The following RGS7BP variants were observed in gnomAD, a reference collection of about 807,000 sequenced individuals.
RGS7BP encodes the protein regulator of G protein signaling 7-binding protein.
Under a neutral mutation model 31.3 loss-of-function variants are expected in RGS7BP, and 9 were observed. The ratio of observed to expected loss-of-function variants is 0.29; its 90% CI spans 0.17 to 0.50. The LOEUF (loss-of-function observed/expected upper bound fraction) is 0.50. Among genes scored for constraint, RGS7BP ranks in the 20% least tolerant of loss-of-function variants. RGS7BP has a pLI of 0.98. For synonymous variants in RGS7BP, 115 were observed against 120.1 expected, an observed-to-expected ratio of 0.96 and a Z score of 0.28; for missense variants, 274 against 322.0, an observed-to-expected ratio of 0.85 and a Z score of 1.14.
chr5:64,569,173 A>C (rs1742243930), intron 2 of RGS7BP, among the ~76,000 whole-genome samples: 1 of 152,184 alleles, frequency 6.6e-6, no homozygotes, highest in East Asian at 1.9e-4. Flanking sequence ...AATGGTGAGG[A>C]AGTCACAGAG....
At chr5:64,553,009 G>T (rs1741832125) in intron 2 of RGS7BP, among the ~76,000 whole-genome samples, 1 of 152,088 alleles carries the variant, frequency 6.6e-6, no homozygotes, top group Non-Finnish European at 1.5e-5. Flanking sequence ...ATCAATGTCA[G>T]ATTTGCACCT....
intron 2 of RGS7BP, among the ~76,000 whole-genome samples, chr5:64,563,040 C>T (rs886857403): frequency 6.6e-6 from 1 of 151,968 alleles, no homozygotes; most frequent in Non-Finnish European, 1.5e-5. Context: ...CTTTTTCCTG[C>T]TTGCACCCTC....
Position 64,506,751 on chromosome 5 carries a change from G to T in RGS7BP, c.127G>T (p.Ala43Ser). 6.2e-7 allele frequency: 1 copy of T among 1,604,468 alleles called. No individual in the cohort carries two copies. Among genetic ancestry groups the T allele is most frequent in the African/African-American group, 1.3e-5 (1 of 74,672 alleles). ...WERRGSGSES[A>S]HKTQRALDDC... Reference sequence around the variant, plus strand: ...GCGCAGGGGCAGCGGCTCCGAGAGCGCCCACAAAACCCAACGAGCCCTGGA... The same window carrying T: ...GCGCAGGGGCAGCGGCTCCGAGAGCTCCCACAAAACCCAACGAGCCCTGGA... The change falls in exon 1 of 6, where the codon GCC (alanine) becomes TCC (serine). Residue 43 changes from alanine to serine, a missense_variant. By Grantham distance (99) the Ala-to-Ser change is moderately conservative. Around this residue, in one of 3 missense-constraint regions of RGS7BP, gnomAD observed 149 missense variants for 152.6 expected, o/e 0.98. Transcript: ENST00000334025. The surrounding 1 kb of genome is among the most constrained non-coding windows in gnomAD (Gnocchi z 4.6).
At chr5:64,553,867 T>C (rs560406783) in intron 2 of RGS7BP, among the ~76,000 whole-genome samples, 2 of 152,060 alleles carry the variant, frequency 1.3e-5, no homozygotes, top group African/African-American at 4.8e-5. Context: ...GGAAGAGAAA[T>C]CTTCAGGGTC....
chr5:64,545,687 TAAGAA>T (rs1227622911), intron 2 of RGS7BP, among the ~76,000 whole-genome samples: 1 of 152,146 alleles, frequency 6.6e-6, no homozygotes, highest in Non-Finnish European at 1.5e-5. Context: ...TAACTGCATC[TAAGAA>T]AAGAAGGCAA....
chr5:64,598,127 C>A (rs1355703903), intron 4 of RGS7BP, among the ~76,000 whole-genome samples: 1 of 152,166 alleles, frequency 6.6e-6, no homozygotes, highest in African/African-American at 2.4e-5. Context: ...AGGGCTCCTG[C>A]AGGAGAATGC....
intron 3 of RGS7BP, among the ~76,000 whole-genome samples, chr5:64,585,107 T>C (rs746772823): frequency 7.2e-5 from 11 of 152,264 alleles, no homozygotes; most frequent in East Asian, 1.9e-4. Context: ...ATGTAAGCCA[T>C]GTTCATTTTG....
rs2111859229 is a variant in RGS7BP, at chr5:64,506,173, G to C, written c.-452G>C. On this transcript the variant is annotated 5_prime_UTR_variant, in exon 1 of 6. Transcript: ENST00000334025. The surrounding 1 kb of genome is among the most constrained non-coding windows in gnomAD (Gnocchi z 4.6). ...GGGGAAAGACGAACCGAGTGCCGCT[G>C]CGGGAAGACACTGAAGCAAGAGCGA... The C allele has an allele frequency of 6.5e-6, 1 of 153,772 alleles. No individual in the cohort carries two copies. Among genetic ancestry groups the C allele is most frequent in the Non-Finnish European group, 1.4e-5 (1 of 69,102 alleles). 9.5% of individuals were successfully genotyped at this position (153,772 alleles called of 1,614,324 possible). A position where few individuals can be genotyped will look rare whatever the true frequency, so the allele number is the denominator to read the frequency against.
chr5:64,529,332 T>C (rs1749314236), intron 2 of RGS7BP, among the ~76,000 whole-genome samples: 2 of 152,170 alleles, frequency 1.3e-5, no homozygotes. Flanking sequence ...CCTTTAGAAA[T>C]GTTTTCAAAA....
At chr5:64,590,207 G>A (rs935682181) in intron 3 of RGS7BP, among the ~76,000 whole-genome samples, 2 of 151,932 alleles carry the variant, frequency 1.3e-5, no homozygotes, top group African/African-American at 2.4e-5. Flanking sequence ...TATCCAGCCA[G>A]TTAGAATCTA....
chr5:64,609,074 G>A, intron 5 of RGS7BP, 87 bp from the exon 6 acceptor site: 2 of 831,304 alleles, frequency 2.4e-6, no homozygotes, highest in South Asian at 1.4e-5. Flanking sequence ...TCCTGATTAG[G>A]AGGATGGTGG....
Position 64,557,329 on chromosome 5 carries a change from G to T in RGS7BP, c.333-18445G>T, listed in dbSNP as rs530001290. Among the ~76,000 whole-genome samples, 17 of 152,176 alleles carry T rather than the reference G, an allele frequency of 1.1e-4. No individual in the cohort carries two copies. The South Asian group carries it at 3.3e-3, about 30-fold the overall frequency. On this transcript the variant is annotated intron_variant, in intron 2 of 5. Coordinates refer to ENST00000334025, the MANE Select transcript of RGS7BP (RefSeq NM_001029875.3). ...GTCCTTTCCTTCTGTCATATTGTCA[G>T]CCAGTTTTCCTGGTATTACTCTTTC...
intron 5 of RGS7BP, among the ~76,000 whole-genome samples, chr5:64,601,200 T>C (rs1743206879): frequency 6.6e-6 from 1 of 152,170 alleles, no homozygotes; most frequent in South Asian, 2.1e-4. Flanking sequence ...TTTTATTCCA[T>C]TTCATGGGTC....
chr5:64,603,072 G>C (rs1193507970), intron 5 of RGS7BP, among the ~76,000 whole-genome samples: 1 of 152,158 alleles, frequency 6.6e-6, no homozygotes, highest in Admixed American at 6.5e-5. Context: ...AGAGACAAGA[G>C]CTGTATCATT....
intron 2 of RGS7BP, among the ~76,000 whole-genome samples, chr5:64,535,731 A>G (rs1189525751): frequency 6.6e-6 from 1 of 152,238 alleles, no homozygotes; most frequent in Admixed American, 6.5e-5. Context: ...CATAGCAGAC[A>G]GGAAGACATA....
intron 2 of RGS7BP, among the ~76,000 whole-genome samples, chr5:64,560,270 G>A (rs899823661): frequency 4.6e-5 from 7 of 152,212 alleles, no homozygotes; most frequent in South Asian, 4.1e-4. Context: ...TCCTGGATCA[G>A]CTGGGAACTT....
At chr5:64,580,521 G>T (rs1742561970) in intron 3 of RGS7BP, among the ~76,000 whole-genome samples, 1 of 151,834 alleles carries the variant, frequency 6.6e-6, no homozygotes, top group Non-Finnish European at 1.5e-5. Flanking sequence ...GCAGGAGAAA[G>T]CATGGATCAA....
At chr5:64,550,849 C>T (rs10060452) in intron 2 of RGS7BP, among the ~76,000 whole-genome samples, 7,144 of 150,474 alleles carry the variant, frequency 0.047, 497 homozygotes, top group African/African-American at 0.14. Context: ...TTTGTCCTTG[C>T]GATAGTTTGC....
chr5:64,555,437 G>A (rs1741897157), intron 2 of RGS7BP, among the ~76,000 whole-genome samples: 1 of 152,012 alleles, frequency 6.6e-6, no homozygotes, highest in African/African-American at 2.4e-5. Flanking sequence ...CTTGACTAAA[G>A]TTTTTTTAAC....
Sources: allele counts gnomAD v4.1 joint callset (sites outside exome capture counted in the v4.1 genomes callset), GRCh38; gene constraint gnomAD v4.1.1; regional missense constraint gnomAD v4.1.1; non-coding constraint Gnocchi (gnomAD v3.1); transcripts MANE v1.5; gene names NCBI Gene and HGNC (gene_info 2026-07-23, HGNC 2026-07-21).